Variants in GRHL2 observed in about 807,000 individuals in gnomAD.
GRHL2 encodes the protein grainyhead like transcription factor 2.
GRHL2 carries 21 observed loss-of-function variants against 83.8 expected under a neutral mutation model. The observed-to-expected ratio is 0.25, with a 90% CI of 0.18 to 0.36. GRHL2 has a LOEUF of 0.36. Among genes scored for constraint, GRHL2 ranks in the 10% least tolerant of loss-of-function variants. The pLI is 1.00. For missense variants in GRHL2, 623 were observed against 781.8 expected (o/e 0.80, Z 2.42); for synonymous variants, 280 against 278.9 (o/e 1.00, Z -0.04).
chr8:101,624,922 T>A (rs1024324847), intron 9 of GRHL2, among the ~76,000 whole-genome samples: 4 of 152,048 alleles, frequency 2.6e-5, no homozygotes, highest in African/African-American at 9.7e-5. Flanking sequence ...ACTTTATACA[T>A]AAAATACCGA....
intron 7 of GRHL2, among the ~76,000 whole-genome samples, chr8:101,589,656 A>C (rs905061235): frequency 6.6e-6 from 1 of 152,244 alleles, no homozygotes; most frequent in Admixed American, 6.5e-5. Flanking sequence ...CACATGTAAA[A>C]TATTAGATGT....
chr8:101,652,438 G>GTGTGTGGT (rs1563627087), intron 14 of GRHL2, among the ~76,000 whole-genome samples: 1 of 65,352 alleles, frequency 1.5e-5, no homozygotes. Flanking sequence ...GTGTGTGTCT[G>GTGTGTGGT]GTGTGTGTGG....
At chr8:101,630,866 C>G (rs192040103) in intron 9 of GRHL2, among the ~76,000 whole-genome samples, 16 of 151,956 alleles carry the variant, frequency 1.1e-4, no homozygotes, top group Non-Finnish European at 2.2e-4. Flanking sequence ...GAGAAATAAC[C>G]AAAGAGAAAA....
chr8:101,543,185 G>C, intron 1 of GRHL2, 56 bp from the exon 2 acceptor site: 1 of 1,224,838 alleles, frequency 8.2e-7, no homozygotes, highest in Non-Finnish European at 1.2e-6. Context: ...ATATTATTAG[G>C]GGTAAAAAAT....
chr8:101,662,281 G>C (rs1024634962), intron 14 of GRHL2, among the ~76,000 whole-genome samples: 4 of 152,172 alleles, frequency 2.6e-5, no homozygotes, highest in Non-Finnish European at 5.9e-5. Context: ...GTGACTGTGA[G>C]GTAATCTCAT....
At chr8:101,643,627 G>A (rs1813448594) in intron 12 of GRHL2, among the ~76,000 whole-genome samples, 1 of 152,206 alleles carries the variant, frequency 6.6e-6, no homozygotes, top group African/African-American at 2.4e-5. Context: ...CGGCCAGAGG[G>A]AGAGGTGGAA....
the GRHL2 span, among the ~76,000 whole-genome samples, chr8:101,678,611 G>C: frequency 6.6e-6 from 1 of 151,282 alleles, no homozygotes; most frequent in Non-Finnish European, 1.5e-5. Flanking sequence ...GCCTCTGTAG[G>C]CTCCACCTCT....
chr8:101,514,816 T>G (rs185861037), intron 1 of GRHL2, among the ~76,000 whole-genome samples: 128 of 152,182 alleles, frequency 8.4e-4, no homozygotes, highest in Non-Finnish European at 1.6e-3. Flanking sequence ...AGGGAGAAAG[T>G]CTCAACCTTT....
intron 1 of GRHL2, among the ~76,000 whole-genome samples, chr8:101,494,625 G>T (rs1327797459): frequency 6.6e-6 from 1 of 152,170 alleles, no homozygotes; most frequent in Non-Finnish European, 1.5e-5. Context: ...AAAGATGATT[G>T]CAAATCTAAT....
rs140658915 is a variant in GRHL2, at chr8:101,618,388, C to T, written c.1099-1151C>T. The stretch of plus-strand genomic sequence containing the variant: ...GTGATTTCTCTTATATCTCTTGATG[C>T]GCTGTGCTGTAAGGTGAGGATGTTG... On this transcript the variant is annotated intron_variant, in intron 8 of 15. Coordinates refer to ENST00000646743, the MANE Select transcript of GRHL2 (RefSeq NM_024915.4). 1.1e-3 allele frequency among the ~76,000 whole-genome samples: 166 copies of T among 152,214 alleles called. 3 individuals carry two copies. The highest frequency in any genetic ancestry group is 3.8e-3 in the African/African-American group (156 of 41,532).
chr8:101,597,508 T>G (rs989183769), intron 7 of GRHL2, among the ~76,000 whole-genome samples: 2 of 152,056 alleles, frequency 1.3e-5, no homozygotes, highest in Admixed American at 1.3e-4. Flanking sequence ...CCATAAAAAA[T>G]GATGAGTTCA....
chr8:101,609,094 G>A (rs1003683023), intron 8 of GRHL2, among the ~76,000 whole-genome samples: 1 of 150,402 alleles, frequency 6.6e-6, no homozygotes, highest in African/African-American at 2.5e-5. Flanking sequence ...GAATTGGAGG[G>A]TGGGCAAAAC....
At chr8:101,598,241 AT>A (rs5893574) in intron 7 of GRHL2, among the ~76,000 whole-genome samples, 57 of 137,094 alleles carry the variant, frequency 4.2e-4, no homozygotes, top group East Asian at 1.1e-3. Context: ...GTCCAAAAAG[AT>A]TTTTTTTTTT....
At chr8:101,495,896 C>G (rs1810092058) in intron 1 of GRHL2, among the ~76,000 whole-genome samples, 2 of 152,120 alleles carry the variant, frequency 1.3e-5, no homozygotes, top group African/African-American at 2.4e-5. Flanking sequence ...CACCTGTAAT[C>G]CCAGCACTTT....
intron 1 of GRHL2, among the ~76,000 whole-genome samples, chr8:101,537,527 T>G (rs757223652): frequency 9.2e-5 from 14 of 152,218 alleles, no homozygotes; most frequent in Non-Finnish European, 1.6e-4. Context: ...ATTAGTAGAA[T>G]TAGTTCTATG....
chr8:101,673,100 T>A (rs1032298701), downstream of GRHL2, among the ~76,000 whole-genome samples: 3 of 150,764 alleles, frequency 2.0e-5, no homozygotes, highest in African/African-American at 7.3e-5. Flanking sequence ...TGCAAAATCA[T>A]GCCAAAATGT....
intron 7 of GRHL2, among the ~76,000 whole-genome samples, chr8:101,596,994 T>G (rs899294214): frequency 1.3e-5 from 2 of 152,162 alleles, no homozygotes; most frequent in African/African-American, 4.8e-5. Flanking sequence ...CTATCCTGTG[T>G]GAGAAGAGAT....
intron 2 of GRHL2, among the ~76,000 whole-genome samples, chr8:101,552,119 A>G (rs1811393726): frequency 6.6e-6 from 1 of 152,100 alleles, no homozygotes; most frequent in African/African-American, 2.4e-5. Flanking sequence ...GTTTTAAGAC[A>G]ATAATGAAAG....
intron 8 of GRHL2, among the ~76,000 whole-genome samples, chr8:101,609,269 T>C (rs4392865): frequency 0.5 from 75,650 of 149,916 alleles, 21,566 homozygotes; most frequent in African/African-American, 0.73. Flanking sequence ...TCCAATGGTT[T>C]AGGCAGTGGT....
Sources: allele counts gnomAD v4.1 joint callset (sites outside exome capture counted in the v4.1 genomes callset), GRCh38; gene constraint gnomAD v4.1.1; transcripts MANE v1.5; gene names NCBI Gene and HGNC (gene_info 2026-07-23, HGNC 2026-07-21).